The following MED27 variants were observed in gnomAD, a reference collection of about 807,000 sequenced individuals.
The protein encoded by MED27 is mediator complex subunit 27.
In MED27, 30 loss-of-function variants were observed where a neutral mutation model predicts 38.2. The observed-to-expected ratio is 0.79, with a 90% CI of 0.59 to 1.07. MED27 has a LOEUF of 1.07. Among genes scored for constraint, MED27 ranks in the 50% least tolerant of loss-of-function variants. The pLI, the probability that MED27 is intolerant of heterozygous loss-of-function variation, is 0.00. For synonymous variants in MED27, 122 were observed against 153.5 expected, an observed-to-expected ratio of 0.79 and a Z score of 1.52; for missense variants, 289 against 397.5, an observed-to-expected ratio of 0.73 and a Z score of 2.32.
intron 6 of MED27, among the ~76,000 whole-genome samples, chr9:131,877,882 G>A (rs909486082): frequency 6.6e-6 from 1 of 152,124 alleles, no homozygotes; most frequent in African/African-American, 2.4e-5. Context: ...AGTCTTCTAG[G>A]GCTGACTCAA....
chr9:131,967,485 CTTT>C (rs560957988), intron 3 of MED27, among the ~76,000 whole-genome samples: 4 of 141,354 alleles, frequency 2.8e-5, no homozygotes, highest in Admixed American at 7.1e-5. Flanking sequence ...TCTCATGAAT[CTTT>C]TTTTTTTTTT....
At chr9:131,941,817 ATTTTTTTTT>A (rs766438800) in intron 3 of MED27, among the ~76,000 whole-genome samples, 9 of 82,514 alleles carry the variant, frequency 1.1e-4, no homozygotes, top group South Asian at 1.0e-3. Flanking sequence ...ATTCTGCTGA[ATTTTTTTTT>A]TTTTTTTTTT....
At chr9:132,025,024 G>A (rs1362637326) in intron 2 of MED27, among the ~76,000 whole-genome samples, 5 of 151,946 alleles carry the variant, frequency 3.3e-5, no homozygotes, top group African/African-American at 1.2e-4. Flanking sequence ...CAGGAAGTAT[G>A]AGAAAAGGTA....
intron 2 of MED27, among the ~76,000 whole-genome samples, chr9:132,046,006 G>C (rs992823750): frequency 1.3e-5 from 2 of 152,160 alleles, no homozygotes; most frequent in Non-Finnish European, 2.9e-5. Context: ...ATAGGATAAT[G>C]GAACCTTGGT....
intron 4 of MED27, among the ~76,000 whole-genome samples, chr9:131,908,176 G>T: frequency 1.3e-5 from 1 of 74,608 alleles, no homozygotes; most frequent in Admixed American, 1.3e-4. Context: ...GGAGGTGAGG[G>T]GCGCCTCTGC....
intron 4 of MED27, among the ~76,000 whole-genome samples, chr9:131,897,514 G>C (rs1283319393): frequency 6.6e-6 from 1 of 152,240 alleles, no homozygotes; most frequent in Non-Finnish European, 1.5e-5. Flanking sequence ...TATTGTATGA[G>C]ATGTGGGTGT....
intron 6 of MED27, among the ~76,000 whole-genome samples, chr9:131,869,995 A>G (rs942497205): frequency 2.0e-5 from 3 of 152,150 alleles, no homozygotes; most frequent in African/African-American, 7.2e-5. Flanking sequence ...GACTCTTTCA[A>G]GAGACCTTGA....
At chr9:132,072,193 A>G (rs1414184184) in intron 2 of MED27, among the ~76,000 whole-genome samples, 1 of 152,234 alleles carries the variant, frequency 6.6e-6, no homozygotes, top group Non-Finnish European at 1.5e-5. Flanking sequence ...GGTCATTATA[A>G]CTACCATTTA....
intron 3 of MED27, among the ~76,000 whole-genome samples, chr9:131,942,673 AG>A (rs1377809858): frequency 6.6e-6 from 1 of 152,230 alleles, no homozygotes; most frequent in Non-Finnish European, 1.5e-5. Context: ...TTCACCTTGA[AG>A]GCGTCAAGAT....
chr9:131,988,261 T>C (rs1039613748), intron 3 of MED27, among the ~76,000 whole-genome samples: 2 of 152,220 alleles, frequency 1.3e-5, no homozygotes. Context: ...TAGTTATTAA[T>C]GTATCAGTGG....
chr9:131,970,753 C>T (rs774492493), intron 3 of MED27, among the ~76,000 whole-genome samples: 8 of 152,108 alleles, frequency 5.3e-5, no homozygotes, highest in African/African-American at 7.2e-5. Flanking sequence ...TTAAAAGAGA[C>T]ATAAGAGCAA....
Position 131,873,446 on chromosome 9 carries a change from C to T in MED27, c.724-10306G>A, listed in dbSNP as rs60730076. ...AAATGGGGATGAAAGTACAGTAGAGCGGAAGCAGGGGATTTATTTTTTATT... is the reference window on the plus strand; with the variant it reads ...AAATGGGGATGAAAGTACAGTAGAGTGGAAGCAGGGGATTTATTTTTTATT... On this transcript the variant is annotated intron_variant, in intron 6 of 7. Coordinates refer to ENST00000292035, the MANE Select transcript of MED27 (RefSeq NM_004269.4). Among the ~76,000 whole-genome samples, 843 of 152,230 alleles carry T rather than the reference C, an allele frequency of 5.5e-3. 3 individuals are homozygous for T. The highest frequency in any genetic ancestry group is 0.019 in the African/African-American group (790 of 41,526).
intron 3 of MED27, among the ~76,000 whole-genome samples, chr9:131,987,339 T>C (rs529584449): frequency 1.2e-3 from 177 of 152,188 alleles, no homozygotes; most frequent in Middle Eastern, 6.8e-3. Context: ...AGAGTATCTG[T>C]AGATGTGGAG....
chr9:132,042,413 T>C (rs1833237797), intron 2 of MED27, among the ~76,000 whole-genome samples: 1 of 152,170 alleles, frequency 6.6e-6, no homozygotes, highest in Admixed American at 6.5e-5. Context: ...GTAAAGTCAC[T>C]TGCTGCAGGT....
chr9:131,941,815 G>A lies in MED27; in HGVS notation c.480-2341C>T, dbSNP rs1021729493. ...CTTAAAGGCAAAGCCCCATTCTGCT[G>A]AATTTTTTTTTTTTTTTTTTTTTTT... On this transcript the variant is annotated intron_variant, in intron 3 of 7. Transcript: ENST00000292035. Among the ~76,000 whole-genome samples the A allele has an allele frequency of 1.7e-4, 17 of 97,486 alleles. 1 individual carries two copies. Among genetic ancestry groups the A allele is most frequent in the Non-Finnish European group, 2.7e-4 (13 of 47,954 alleles). The allele number at this position is 97,486 out of a possible 152,430, so 64.0% of individuals were successfully genotyped here.
intron 4 of MED27, among the ~76,000 whole-genome samples, chr9:131,896,354 A>T (rs1829833156): frequency 6.6e-6 from 1 of 152,258 alleles, no homozygotes; most frequent in Admixed American, 6.5e-5. Context: ...AGCCTAGGTG[A>T]CTAAGCAATT....
At chr9:132,015,643 C>G (rs1333790333) in intron 2 of MED27, among the ~76,000 whole-genome samples, 1 of 152,202 alleles carries the variant, frequency 6.6e-6, no homozygotes, top group Non-Finnish European at 1.5e-5. Flanking sequence ...TAGCACCTAA[C>G]ATCAGGAAAT....
chr9:131,893,810 A>T, intron 5 of MED27, 75 bp downstream of exon 5: 1 of 1,023,536 alleles, frequency 9.8e-7, no homozygotes, highest in African/African-American at 1.6e-5. Context: ...TTTTAATGCC[A>T]TTCATCTGGA....
chr9:131,933,524 C>A (rs188038786), intron 4 of MED27, among the ~76,000 whole-genome samples: 1 of 151,848 alleles, frequency 6.6e-6, no homozygotes, highest in East Asian at 1.9e-4. Flanking sequence ...AAATTAAATA[C>A]CCTGGAATCA....
Sources: allele counts gnomAD v4.1 joint callset (sites outside exome capture counted in the v4.1 genomes callset), GRCh38; gene constraint gnomAD v4.1.1; transcripts MANE v1.5; gene names NCBI Gene and HGNC (gene_info 2026-07-23, HGNC 2026-07-21).